Variants in GORASP2 observed in about 807,000 individuals in gnomAD.
GORASP2 encodes golgi reassembly stacking protein 2.
Under a neutral mutation model 45.7 loss-of-function variants are expected in GORASP2, and 22 were observed. The observed-to-expected ratio is 0.48, with a 90% CI of 0.34 to 0.69. The LOEUF (loss-of-function observed/expected upper bound fraction) is 0.69. Ranked by LOEUF, GORASP2 falls within the 30% of genes least tolerant of loss-of-function variation. The probability of loss-of-function intolerance (pLI) is 0.01; values close to 1 mark genes in which losing one functional copy is unlikely to be tolerated. For missense variants in GORASP2, 491 were observed against 562.7 expected, an observed-to-expected ratio of 0.87 and a Z score of 1.29; for synonymous variants, 221 against 215.6, an observed-to-expected ratio of 1.02 and a Z score of -0.22.
chr2:170,951,171 A>T (rs1704291324), intron 4 of GORASP2, among the ~76,000 whole-genome samples, 157 bp from the exon 5 acceptor site: 1 of 152,150 alleles, frequency 6.6e-6, no homozygotes, highest in African/African-American at 2.4e-5. Context: ...GAATTAATAT[A>T]TTGAATTAAA....
At chr2:170,960,617 A>C (rs1052570841) in intron 7 of GORASP2, among the ~76,000 whole-genome samples, 5 of 152,250 alleles carry the variant, frequency 3.3e-5, no homozygotes, top group African/African-American at 1.2e-4. Context: ...CAAATATAAA[A>C]AAATTATAGC....
chr2:170,930,746 AG>A (rs770176207), intron 1 of GORASP2, among the ~76,000 whole-genome samples: 4 of 152,100 alleles, frequency 2.6e-5, no homozygotes, highest in African/African-American at 7.2e-5. Flanking sequence ...AGCCACACTG[AG>A]AGAGGAAATG....
At chr2:170,940,568 G>A (rs1427426696) in intron 1 of GORASP2, among the ~76,000 whole-genome samples, 1 of 151,872 alleles carries the variant, frequency 6.6e-6, no homozygotes, top group Non-Finnish European at 1.5e-5. Context: ...GAAAAGAAAA[G>A]TTTAGGCTAA....
chr2:170,936,613 T>C, intron 1 of GORASP2: 1 of 1,295,720 alleles, frequency 7.7e-7, no homozygotes, highest in African/African-American at 1.5e-5. Flanking sequence ...GGTTTTGTTC[T>C]CTCTTTTAAG....
intron 9 of GORASP2, among the ~76,000 whole-genome samples, chr2:170,963,240 T>G (rs1704606293): frequency 6.6e-6 from 1 of 151,938 alleles, no homozygotes; most frequent in South Asian, 2.1e-4. Flanking sequence ...CCAGGCATGG[T>G]GGCAGGTGCC....
At chr2:170,947,279 C>G (rs1030425755) in intron 1 of GORASP2, among the ~76,000 whole-genome samples, 2 of 152,208 alleles carry the variant, frequency 1.3e-5, no homozygotes, top group African/African-American at 4.8e-5. Flanking sequence ...CTATAATTCT[C>G]TATTTCTGTC....
intron 1 of GORASP2, among the ~76,000 whole-genome samples, chr2:170,931,188 A>G (rs1051817375): frequency 2.6e-5 from 4 of 152,218 alleles, no homozygotes; most frequent in South Asian, 2.1e-4. Flanking sequence ...TTAGTTACCA[A>G]TCTGCATCTG....
chr2:170,949,478 G>T (rs1448809929), intron 2 of GORASP2, 61 bp from the exon 3 acceptor site: 1 of 1,163,586 alleles, frequency 8.6e-7, no homozygotes, highest in Non-Finnish European at 1.3e-6. Context: ...AGGGCCATAG[G>T]ATGCTTAAGC....
Position 170,950,223 on chromosome 2 carries a change from C to A in GORASP2, c.368C>A (p.Pro123His). The stretch of plus-strand genomic sequence containing the variant: ...TTCTAGGAGGTGGAATCAAATTCTC[C>A]TGCAGCACTGGCAGGTCTTAGACCA... Reference protein sequence around the residue: ...WHVLEVESNSPAALAGLRPHS... With the variant: ...WHVLEVESNSHAALAGLRPHS... The change falls in exon 4 of 10, where the codon CCT becomes CAT. Residue 123 changes from proline (P) to histidine (H), a missense_variant. Around this residue, in one of 2 missense-constraint regions of GORASP2, gnomAD observed 194 missense variants for 270.4 expected, o/e 0.72. Coordinates refer to ENST00000234160, the MANE Select transcript of GORASP2 (RefSeq NM_015530.5). 1 of 1,566,096 alleles carries A rather than the reference C, an allele frequency of 6.4e-7. No individual in the cohort carries two copies. Among genetic ancestry groups the A allele is most frequent in the South Asian group, 1.1e-5 (1 of 87,488 alleles).
intron 1 of GORASP2, among the ~76,000 whole-genome samples, chr2:170,946,369 GAAA>G (rs758623304): frequency 6.1e-4 from 93 of 151,462 alleles, no homozygotes; most frequent in Non-Finnish European, 1.2e-3. Context: ...AAATATTTTG[GAAA>G]AAAAATGTGG....
At chr2:170,943,478 G>C (rs1246238726) in intron 1 of GORASP2, among the ~76,000 whole-genome samples, 1 of 152,090 alleles carries the variant, frequency 6.6e-6, no homozygotes, top group Non-Finnish European at 1.5e-5. Context: ...TTAACTCATT[G>C]AATCTTTACA....
chr2:170,951,522 A>G (rs1450813947), intron 5 of GORASP2, 64 bp downstream of exon 5: 6 of 1,232,656 alleles, frequency 4.9e-6, no homozygotes, highest in Non-Finnish European at 5.7e-6. Flanking sequence ...TGTTGCAGAC[A>G]TTGATTGTTT....
In GORASP2 at chr2:170,951,225, A is replaced by AT. The variant is rs1476993062; in HGVS notation, c.436-96dup. 9.3e-6 allele frequency: 8 copies of AT among 859,720 alleles called. No homozygotes were observed. In the African/African-American group the frequency reaches 1.0e-4, roughly 11 times the overall value. 53.3% of individuals were successfully genotyped at this position (859,720 alleles called of 1,614,324 possible). ...GTCTGGGGCAGGGCCCAGAATCTGT[A>AT]TTTTTTTCTTAGATTTCTCAGGTGA... is the stretch of plus-strand genomic sequence containing the variant. On this transcript the variant is annotated intron_variant, in intron 4 of 9. Coordinates refer to ENST00000234160, the MANE Select transcript of GORASP2 (RefSeq NM_015530.5).
At chr2:170,936,789 T>G in intron 1 of GORASP2, 1 of 459,000 alleles carries the variant, frequency 2.2e-6, no homozygotes, top group South Asian at 1.6e-5. Flanking sequence ...CCGGTCTCAA[T>G]AAAAGCAAAA....
intron 1 of GORASP2, among the ~76,000 whole-genome samples, chr2:170,937,633 G>T (rs1292343650): frequency 6.6e-6 from 1 of 152,072 alleles, no homozygotes; most frequent in Non-Finnish European, 1.5e-5. Context: ...TTGAGAGCTT[G>T]AGAAAGAAAA....
chr2:170,929,330 C>T lies in GORASP2; in HGVS notation c.-11C>T. The stretch of plus-strand genomic sequence containing the variant: ...CGGAGCCCGGCTCGGCCACACCGAT[C>T]GCCCGCCGCCATGGGCTCCTCGCAA... On this transcript the variant is annotated 5_prime_UTR_variant, in exon 1 of 10. Transcript: ENST00000234160. 7.4e-7 allele frequency: 1 copy of T among 1,358,390 alleles called. No homozygotes were observed. The highest frequency in any genetic ancestry group is 9.5e-7 in the Non-Finnish European group (1 of 1,056,720). The allele number at this position is 1,358,390 out of a possible 1,614,324, so 84.1% of individuals were successfully genotyped here.
At chr2:170,957,906 G>A (rs1704466519) in intron 7 of GORASP2, among the ~76,000 whole-genome samples, 1 of 152,160 alleles carries the variant, frequency 6.6e-6, no homozygotes, top group African/African-American at 2.4e-5. Context: ...TGATCATCGT[G>A]CCTTGGCCTC....
chr2:170,951,833 C>A (rs570227754), intron 5 of GORASP2, among the ~76,000 whole-genome samples: 1 of 152,330 alleles, frequency 6.6e-6, no homozygotes, highest in Non-Finnish European at 1.5e-5. Context: ...GGAAAAGCTT[C>A]CGTTTGCTCA....
At chr2:170,928,545 T>G (rs1057291438), upstream of GORASP2, 1 of 152,252 alleles carries the variant, frequency 6.6e-6, no homozygotes, top group South Asian at 2.1e-4. Flanking sequence ...GAATACGACC[T>G]GGCTACCTGA....
Sources: allele counts gnomAD v4.1 joint callset (sites outside exome capture counted in the v4.1 genomes callset), GRCh38; gene constraint gnomAD v4.1.1; regional missense constraint gnomAD v4.1.1; transcripts MANE v1.5; gene names NCBI Gene and HGNC (gene_info 2026-07-23, HGNC 2026-07-21).